The following SLC12A3 variants were observed in gnomAD, a reference collection of about 807,000 sequenced individuals.
SLC12A3 encodes the protein solute carrier family 12 member 3, also known as Na-Cl cotransporter.
Under a neutral mutation model 121.0 loss-of-function variants are expected in SLC12A3, and 104 were observed. The ratio of observed to expected loss-of-function variants is 0.86; its 90% confidence interval spans 0.73 to 1.01. The LOEUF (loss-of-function observed/expected upper bound fraction) is 1.01. Ranked by LOEUF, SLC12A3 falls within the 50% of genes least tolerant of loss-of-function variation. SLC12A3 has a pLI of 0.00. For missense variants in SLC12A3, 1,328 were observed against 1,356.3 expected (o/e 0.98, Z 0.33); for synonymous variants, 536 against 533.4 (o/e 1.00, Z -0.07).
intron 25 of SLC12A3, 122 bp downstream of exon 25, chr16:56,904,584 C>A: frequency 2.2e-6 from 2 of 915,020 alleles, no homozygotes; most frequent in East Asian, 2.5e-5. Context: ...GCAGAAGGGC[C>A]AAAGTTCCCA....
chr16:56,876,020 C>G (rs1294689081), intron 8 of SLC12A3, among the ~76,000 whole-genome samples: 1 of 151,972 alleles, frequency 6.6e-6, no homozygotes, highest in Admixed American at 6.5e-5. Context: ...GTTCAGGAGG[C>G]TAAAAGTCCG....
chr16:56,898,554 G>A (rs921526770), intron 22 of SLC12A3, among the ~76,000 whole-genome samples: 5 of 152,118 alleles, frequency 3.3e-5, no homozygotes, highest in South Asian at 2.1e-4. Context: ...CACTGCGCCC[G>A]GCCAGGTGTA....
chr16:56,899,481 G>A (rs375648673), intron 22 of SLC12A3, 49 bp from the exon 23 acceptor site: 80 of 1,385,676 alleles, frequency 5.8e-5, no homozygotes, highest in South Asian at 9.2e-5. Context: ...AGAGCAAGAC[G>A]CTGTCTCAAG....
At chr16:56,911,952 G>A (rs539297472) in intron 25 of SLC12A3, among the ~76,000 whole-genome samples, 15 of 152,340 alleles carry the variant, frequency 9.8e-5, no homozygotes, top group African/African-American at 3.6e-4. Context: ...TGCGAGGGAG[G>A]TTTTTGTGTT....
chr16:56,907,329 A>G (rs1596957132), intron 25 of SLC12A3, among the ~76,000 whole-genome samples: 1 of 152,218 alleles, frequency 6.6e-6, no homozygotes, highest in East Asian at 1.9e-4. Context: ...TTGGTGGTGC[A>G]CACCTGTAAT....
intron 6 of SLC12A3, among the ~76,000 whole-genome samples, chr16:56,872,113 A>T (rs2055105346): frequency 1.3e-5 from 2 of 152,156 alleles, no homozygotes; most frequent in South Asian, 2.1e-4. Context: ...CGGCCTCCCA[A>T]ACCTCTTCTT....
chr16:56,904,944 T>G (rs1596953598), intron 25 of SLC12A3: 1 of 268,112 alleles, frequency 3.7e-6, no homozygotes, highest in East Asian at 9.3e-5. Flanking sequence ...GAGCCACCCC[T>G]GGGTGTATTA....
rs916369738 is a variant in SLC12A3, at chr16:56,867,090, T to A, written c.303T>A (p.His101Gln). The stretch of plus-strand genomic sequence containing the variant: ...GCCAGCAGGAAGGCAGACACCTGCA[T>A]GCCCTGGCCTTTGACAGCCGGCCCA... ...SFLKQEGRHLHALAFDSRPSH... is the reference protein window; with the variant it reads ...SFLKQEGRHLQALAFDSRPSH... The change falls in exon 2 of 26, where the codon CAT (histidine) becomes CAA (glutamine). Residue 101 changes from histidine to glutamine, a missense_variant. Coordinates refer to ENST00000563236, the MANE Select transcript of SLC12A3 (RefSeq NM_001126108.2). 1.2e-6 allele frequency: 2 copies of A among 1,613,512 alleles called. No homozygotes were observed. The highest frequency in any genetic ancestry group is 2.7e-5 in the African/African-American group (2 of 74,936).
chr16:56,884,398 G>A (rs539181804), intron 14 of SLC12A3, among the ~76,000 whole-genome samples, 194 bp downstream of exon 14: 28 of 152,244 alleles, frequency 1.8e-4, no homozygotes, highest in African/African-American at 6.0e-4. Context: ...CCTATGTCTC[G>A]ACCTCTAAGC....
chr16:56,878,005 T>C (rs1234692741), intron 8 of SLC12A3, 72 bp from the exon 9 acceptor site: 1 of 899,158 alleles, frequency 1.1e-6, no homozygotes, highest in African/African-American at 1.7e-5. Context: ...GCCCAGGGGC[T>C]GCCTAATGTC....
chr16:56,890,309 T>C lies in SLC12A3; in HGVS notation c.2321T>C (p.Met774Thr), dbSNP rs779866523. 3 of 1,614,144 alleles carry C rather than the reference T, an allele frequency of 1.9e-6. No homozygotes were observed. Among genetic ancestry groups the C allele is most frequent in the East Asian group, 2.2e-5 (1 of 44,888 alleles). Residue 774 changes from methionine (M) to threonine (T), a missense_variant, in exon 19 of 26, where the codon ATG becomes ACG. Transcript: ENST00000563236. Reference sequence around the variant, plus strand: ...GATTTCAACTATGGCGTGTGTGTCATGAGGATGCGGGAGGGACTCAACGTG... The same window carrying C: ...GATTTCAACTATGGCGTGTGTGTCACGAGGATGCGGGAGGGACTCAACGTG... ...AFDFNYGVCV[M>T]RMREGLNVSK...
At chr16:56,897,102 A>AG (rs1343256165) in intron 22 of SLC12A3, among the ~76,000 whole-genome samples, 1 of 151,998 alleles carries the variant, frequency 6.6e-6, no homozygotes, top group East Asian at 1.9e-4. Flanking sequence ...AAAAAAAAAA[A>AG]AAGTATCTAA....
intron 7 of SLC12A3, 73 bp from the exon 8 acceptor site, chr16:56,872,583 C>T (rs1567428839): frequency 1.2e-6 from 2 of 1,611,326 alleles, no homozygotes; most frequent in East Asian, 4.5e-5. Context: ...CAGGGGCTGC[C>T]TGCCCAGTGG....
At chr16:56,910,194 G>A (rs1393930314) in intron 25 of SLC12A3, among the ~76,000 whole-genome samples, 2 of 152,190 alleles carry the variant, frequency 1.3e-5, no homozygotes, top group African/African-American at 4.8e-5. Context: ...CTAATTTTAA[G>A]AGAGCATCTC....
At chr16:56,903,117 C>G (rs2055561161) in intron 24 of SLC12A3, among the ~76,000 whole-genome samples, 1 of 151,542 alleles carries the variant, frequency 6.6e-6, no homozygotes, top group East Asian at 1.9e-4. Context: ...CCATTGCACT[C>G]CAGCCTGGGT....
At chr16:56,896,040 C>T (rs1018458203) in intron 22 of SLC12A3, among the ~76,000 whole-genome samples, 10 of 152,192 alleles carry the variant, frequency 6.6e-5, no homozygotes, top group Non-Finnish European at 1.0e-4. Context: ...GCATTCACTG[C>T]CATGCACCCG....
intron 23 of SLC12A3, among the ~76,000 whole-genome samples, chr16:56,900,167 A>G (rs1812727023): frequency 6.6e-6 from 1 of 152,042 alleles, no homozygotes; most frequent in Admixed American, 6.6e-5. Context: ...AGCCGTAAGG[A>G]TGTCCCCCAT....
intron 8 of SLC12A3, among the ~76,000 whole-genome samples, chr16:56,873,735 G>T (rs1466178632): frequency 7.2e-6 from 1 of 138,442 alleles, no homozygotes; most frequent in African/African-American, 2.7e-5. Flanking sequence ...ATGAAGTCTC[G>T]GTCTGTCGCC....
At chr16:56,878,041 T>TCCCCCCCCCCCCCCCCCCCCC in intron 8 of SLC12A3, 36 bp from the exon 9 acceptor site, 3 of 393,174 alleles carry the variant, frequency 7.6e-6, no homozygotes, top group South Asian at 2.1e-5. Context: ...CCTCTCTCCC[T>TCCCCCCCCCCCCCCCCCCCCC]CCCTCCCTCC....
Sources: gnomAD v4.1 joint callset for allele counts (sites outside exome capture counted in the v4.1 genomes callset) on GRCh38, gnomAD v4.1.1 for gene constraint, MANE v1.5 for transcripts, NCBI Gene and HGNC (gene_info 2026-07-23, HGNC 2026-07-21) for gene names.